Variants in AHCY observed in about 807,000 individuals in gnomAD.
AHCY encodes S-adenosyl-L-homocysteine hydrolase.
Under a neutral mutation model 45.4 loss-of-function variants are expected in AHCY, and 24 were observed. That is an observed-to-expected ratio of 0.53 (90% confidence interval 0.38 to 0.74). The LOEUF (loss-of-function observed/expected upper bound fraction) is 0.74. AHCY is among the 30% of genes least tolerant of loss of function. The probability of loss-of-function intolerance (pLI) is 0.00; values close to 1 mark genes in which losing one functional copy is unlikely to be tolerated. For missense variants in AHCY, 449 were observed against 594.1 expected (o/e 0.76, Z 2.54); for synonymous variants, 245 against 235.1 (o/e 1.04, Z -0.39).
At chr20:34,236,016 G>A in the AHCY span, among the ~76,000 whole-genome samples, 3 of 116,246 alleles carry the variant, frequency 2.6e-5, no homozygotes, top group Non-Finnish European at 4.8e-5. Context: ...GAGAGAAAGA[G>A]AGAGAGAAGA....
the AHCY span, chr20:34,246,461 G>A: frequency 2.9e-6 from 4 of 1,402,496 alleles, no homozygotes; most frequent in East Asian, 4.6e-5. Flanking sequence ...GACTCGAAGT[G>A]GGTAATTGGC....
chr20:34,241,172 T>C, the AHCY span, among the ~76,000 whole-genome samples: 2 of 152,228 alleles, frequency 1.3e-5, no homozygotes, highest in Admixed American at 6.5e-5. Context: ...TCTCTAAGTT[T>C]AACTTTTATA....
At chr20:34,257,982 A>G in the AHCY span, among the ~76,000 whole-genome samples, 1 of 152,106 alleles carries the variant, frequency 6.6e-6, no homozygotes, top group Non-Finnish European at 1.5e-5. Flanking sequence ...TGTCTCTACA[A>G]AAAATACAAA....
the AHCY span, among the ~76,000 whole-genome samples, chr20:34,243,113 T>G: frequency 6.6e-6 from 1 of 152,236 alleles, no homozygotes; most frequent in Non-Finnish European, 1.5e-5. Context: ...CTCTGACCCC[T>G]GTTTCAGTGG....
the AHCY span, among the ~76,000 whole-genome samples, chr20:34,245,256 C>A: frequency 6.7e-6 from 1 of 149,344 alleles, no homozygotes; most frequent in Non-Finnish European, 1.5e-5. Flanking sequence ...ATCGCTTGAA[C>A]CTGGGAGGCG....
In AHCY at chr20:34,280,933, A is replaced by G. The variant is rs764824508; in HGVS notation, c.*101T>C. The stretch of plus-strand genomic sequence containing the variant: ...CAGCCCCAGAGAGTCGATGGGGGAC[A>G]CTGACAAACCAATCACAAAGTTGGT... On this transcript the variant is annotated 3_prime_UTR_variant, in exon 10 of 10. Transcript: ENST00000217426. The G allele has an allele frequency of 5.3e-5, 82 of 1,549,632 alleles. No individual in the cohort carries two copies. Among genetic ancestry groups the G allele is most frequent in the Non-Finnish European group, 6.6e-5 (75 of 1,138,822 alleles).
In AHCY at chr20:34,302,817, G is replaced by A. The variant is rs959712466; in HGVS notation, c.28+426C>T. 101 of 1,026,262 alleles carry A rather than the reference G, an allele frequency of 9.8e-5. No homozygotes were observed. The East Asian group carries it at 4.4e-3, about 45-fold the overall frequency. 63.6% of individuals were successfully genotyped at this position (1,026,262 alleles called of 1,614,324 possible). A position where few individuals can be genotyped will look rare whatever the true frequency, so the allele number is the denominator to read the frequency against. On this transcript the variant is annotated intron_variant, in intron 1 of 9. Coordinates refer to ENST00000217426, the MANE Select transcript of AHCY (RefSeq NM_000687.4). ...ATACACCCTCCGGGGTGCCCTCGCC[G>A]TCCCTGTAGGAGGCCCAGAGAGGGG...
downstream of AHCY, among the ~76,000 whole-genome samples, chr20:34,275,986 C>T (rs544400347): frequency 2.9e-4 from 44 of 152,170 alleles, no homozygotes; most frequent in Non-Finnish European, 4.0e-4. Flanking sequence ...CTGCTGCACC[C>T]GGTCTGTGTT....
At chr20:34,242,419 G>C in the AHCY span, among the ~76,000 whole-genome samples, 1 of 151,952 alleles carries the variant, frequency 6.6e-6, no homozygotes, top group Admixed American at 6.6e-5. Context: ...TTTTAGTAGA[G>C]ACAGGGTTCC....
Position 34,303,337 on chromosome 20 carries a change from C to A in AHCY, c.-67G>T. The A allele has an allele frequency of 6.5e-7, 1 of 1,547,494 alleles. No homozygotes were observed. Among genetic ancestry groups the A allele is most frequent in the Non-Finnish European group, 8.7e-7 (1 of 1,143,224 alleles). On this transcript the variant is annotated 5_prime_UTR_variant, in exon 1 of 10. Transcript: ENST00000217426. ...CCTCAGTCTGGGAACAGGAACTGGGCGGGCAGCGCCGAGCAGGGATATGCG... is the reference window on the plus strand; with the variant it reads ...CCTCAGTCTGGGAACAGGAACTGGGAGGGCAGCGCCGAGCAGGGATATGCG...
chr20:34,237,589 T>C, the AHCY span, among the ~76,000 whole-genome samples: 1 of 152,268 alleles, frequency 6.6e-6, no homozygotes, highest in African/African-American at 2.4e-5. Flanking sequence ...GATCATATTA[T>C]CTGTGAACAG....
upstream of AHCY, among the ~76,000 whole-genome samples, chr20:34,303,869 G>A (rs1382010313): frequency 6.6e-6 from 1 of 152,152 alleles, no homozygotes; most frequent in Admixed American, 6.6e-5. Context: ...GGTGGCGCGC[G>A]CTTGTGGTCC....
At chr20:34,252,209 A>G in the AHCY span, among the ~76,000 whole-genome samples, 6 of 152,254 alleles carry the variant, frequency 3.9e-5, no homozygotes, top group African/African-American at 1.4e-4. Context: ...GTATAGAGAA[A>G]GAACAGTGGG....
the AHCY span, chr20:34,269,321 G>A: frequency 2.0e-6 from 2 of 979,104 alleles, no homozygotes; most frequent in South Asian, 1.8e-5. Context: ...GGCTAAAATC[G>A]AAATACAATA....
the AHCY span, among the ~76,000 whole-genome samples, chr20:34,254,157 G>A: frequency 1.3e-5 from 2 of 152,094 alleles, no homozygotes; most frequent in Non-Finnish European, 2.9e-5. Flanking sequence ...CTGCCTCCTG[G>A]ATTCAAGTGA....
the AHCY span, among the ~76,000 whole-genome samples, chr20:34,234,005 G>C: frequency 6.6e-6 from 1 of 152,170 alleles, no homozygotes; most frequent in Admixed American, 6.5e-5. Flanking sequence ...CACAAATCTG[G>C]CATGTAGTGG....
chr20:34,284,164 GTATCTTTTTTTTTTGAGACA>G (rs1398853198), intron 9 of AHCY, among the ~76,000 whole-genome samples: 1 of 151,876 alleles, frequency 6.6e-6, no homozygotes, highest in Non-Finnish European at 1.5e-5. Context: ...GCTTAGGGAT[GTATCTTTTTTTTTTGAGACA>G]GGGTCTCACT....
chr20:34,287,189 A>G (rs529737961), intron 8 of AHCY, among the ~76,000 whole-genome samples: 15 of 152,054 alleles, frequency 9.9e-5, no homozygotes, highest in Admixed American at 2.0e-4. Flanking sequence ...TGATGCTTCA[A>G]TCAATAAGCA....
chr20:34,277,754 C>CAAAAAAA (rs59920283), downstream of AHCY, among the ~76,000 whole-genome samples: 1 of 39,740 alleles, frequency 2.5e-5, no homozygotes, highest in African/African-American at 7.6e-5. Flanking sequence ...GACTCCATCT[C>CAAAAAAA]AAAAAAAAAA....
Sources: gnomAD v4.1 joint callset for allele counts (sites outside exome capture counted in the v4.1 genomes callset) on GRCh38, gnomAD v4.1.1 for gene constraint, MANE v1.5 for transcripts, NCBI Gene and HGNC (gene_info 2026-07-23, HGNC 2026-07-21) for gene names.